ABCA5: variants seen among roughly 807,000 people sequenced by gnomAD.
ABCA5 encodes the protein cholesterol transporter ABCA5.
ABCA5 carries 163 observed loss-of-function variants against 206.0 expected under a neutral mutation model. That is an observed-to-expected ratio of 0.79 (90% CI 0.70 to 0.90). The LOEUF (loss-of-function observed/expected upper bound fraction) is 0.90, where lower values mean the gene tolerates loss of function less well. Ranked by LOEUF, ABCA5 falls within the 40% of genes least tolerant of loss-of-function variation. The pLI, the probability that ABCA5 is intolerant of heterozygous loss-of-function variation, is 0.00. For missense variants in ABCA5, 1,859 were observed against 1,912.9 expected (o/e 0.97, Z 0.53); for synonymous variants, 609 against 613.8 (o/e 0.99, Z 0.11).
intron 32 of ABCA5, 119 bp downstream of exon 32, chr17:69,254,192 AAAGT>A (rs879122013): frequency 3.4e-4 from 269 of 797,940 alleles, no homozygotes; most frequent in Non-Finnish European, 4.3e-4. Context: ...AATATATGAA[AAAGT>A]AATAAACATT....
rs530889595 is a variant in ABCA5, at chr17:69,288,232, A to G, written c.1903-481T>C. On this transcript the variant is annotated intron_variant, in intron 14 of 38. Transcript: ENST00000392676. ...GATCCAGAATCATTCCCCAGCTGCA[A>G]CAGCAAGGGGGAATGTGGCAGGATG... is the stretch of plus-strand genomic sequence containing the variant. Among the ~76,000 whole-genome samples, 4 of 152,258 alleles carry G rather than the reference A, an allele frequency of 2.6e-5. No individual in the cohort carries two copies. In the East Asian group the frequency reaches 7.7e-4, roughly 29 times the overall value.
intron 19 of ABCA5, 42 bp from the exon 20 acceptor site, chr17:69,274,170 T>C: frequency 1.3e-6 from 2 of 1,483,024 alleles, no homozygotes; most frequent in East Asian, 2.3e-5. Flanking sequence ...GGTACAAAGG[T>C]ACATTAATAT....
intron 9 of ABCA5, among the ~76,000 whole-genome samples, chr17:69,299,003 G>A (rs906314631): frequency 2.0e-5 from 3 of 152,024 alleles, no homozygotes; most frequent in Non-Finnish European, 4.4e-5. Flanking sequence ...CAAAAAGTAC[G>A]CTAAGAACAT....
Position 69,297,310 on chromosome 17 carries a change from A to G in ABCA5, c.1317T>C (p.Tyr439=). ...RSSLYFLKPS[Y]WSKSKRNYEE... ...CATAATTTCTTTTGCTCTTTGACCA[A>G]TATGAAGGCTTCAGAAAATATAAAG... Residue 439 remains tyrosine (Y), a synonymous_variant, in exon 10 of 39, where the codon TAT becomes TAC. Transcript: ENST00000392676. The G allele has an allele frequency of 6.2e-7, 1 of 1,611,158 alleles. No individual in the cohort carries two copies. The highest frequency in any genetic ancestry group is 8.5e-7 in the Non-Finnish European group (1 of 1,179,220).
intron 1 of ABCA5, chr17:69,318,818 G>A: frequency 1.4e-6 from 1 of 704,204 alleles, no homozygotes; most frequent in Admixed American, 1.8e-5. Flanking sequence ...ACATGTCCAA[G>A]GAATATTGTG....
intron 9 of ABCA5, among the ~76,000 whole-genome samples, chr17:69,300,813 C>G (rs554270273): frequency 6.6e-6 from 1 of 152,162 alleles, no homozygotes; most frequent in Middle Eastern, 3.4e-3. Context: ...GTAGGAGTTA[C>G]AAGATCACTT....
At chr17:69,271,538 A>G (rs550754039) in intron 20 of ABCA5, among the ~76,000 whole-genome samples, 1 of 152,282 alleles carries the variant, frequency 6.6e-6, no homozygotes, top group Non-Finnish European at 1.5e-5. Context: ...TGGGTAAAAT[A>G]AGTATATCTG....
At chr17:69,257,109 A>C (rs2075091968) in intron 28 of ABCA5, among the ~76,000 whole-genome samples, 1 of 152,138 alleles carries the variant, frequency 6.6e-6, no homozygotes, top group African/African-American at 2.4e-5. Context: ...TCCTGCCTGT[A>C]ATCTTAGCAC....
rs769268134 is a variant in ABCA5 at position 69,314,333 on chromosome 17, G to A, written c.83C>T (p.Thr28Ile). The stretch of plus-strand genomic sequence containing the variant: ...ACTTACCTGAACACTACTCTTTTTG[G>A]TTCTGCATTTAATTAAGTAATTCTT... Reference protein sequence around the residue: ...LLKNYLIKCRTKKSSVQEILF... With the variant: ...LLKNYLIKCRIKKSSVQEILF... Residue 28 changes from threonine (T) to isoleucine (I), a missense_variant, in exon 2 of 39, where the codon ACC becomes ATC. Thr to Ile is a moderately conservative substitution (Grantham distance 89, BLOSUM62 -1). Transcript: ENST00000392676. 6.2e-6 allele frequency: 10 copies of A among 1,611,472 alleles called. No homozygotes were observed. The highest frequency in any genetic ancestry group is 8.5e-6 in the Non-Finnish European group (10 of 1,178,618).
chr17:69,304,501 A>G, intron 7 of ABCA5, 168 bp downstream of exon 7: 1 of 524,994 alleles, frequency 1.9e-6, no homozygotes, highest in Non-Finnish European at 3.2e-6. Flanking sequence ...ATTACTAAAA[A>G]TACAGGAATA....
intron 25 of ABCA5, among the ~76,000 whole-genome samples, 171 bp from the exon 26 acceptor site, chr17:69,261,430 T>G (rs2075145705): frequency 6.6e-6 from 1 of 152,082 alleles, no homozygotes; most frequent in African/African-American, 2.4e-5. Flanking sequence ...GTATCCTTGA[T>G]ACACTAGTTG....
intron 34 of ABCA5, among the ~76,000 whole-genome samples, chr17:69,252,305 G>A (rs544003295): frequency 2.5e-4 from 38 of 151,998 alleles, no homozygotes; most frequent in African/African-American, 7.7e-4. Flanking sequence ...GAGCCACTGC[G>A]CCAGGCCATG....
intron 7 of ABCA5, among the ~76,000 whole-genome samples, chr17:69,303,844 ACATATATATATG>A (rs1295923754): frequency 4.4e-5 from 1 of 22,832 alleles, no homozygotes; most frequent in African/African-American, 1.3e-4. Context: ...ATATATACAT[ACATATATATATG>A]TATATATATA....
At position 69,302,781 on chromosome 17, in the gene ABCA5, G is replaced by T. The variant is rs756939602; in HGVS notation, c.1056C>A (p.Pro352=). 22 of 1,599,912 alleles carry T rather than the reference G, an allele frequency of 1.4e-5. No individual in the cohort carries two copies. The highest frequency in any genetic ancestry group is 1.9e-5 in the Non-Finnish European group (22 of 1,176,394). Residue 352 remains proline, a synonymous_variant, in exon 8 of 39, where the codon CCC becomes CCA. Transcript: ENST00000392676. ...GACTGAAAAGCCACACTAACGATTT[G>T]GGAAAACTTTCTATGAGGATTATCA... ...GLMIILIESF[P]KSLVWLFSPF... is the part of the protein sequence containing the mutation.
At chr17:69,249,644 T>C (rs561683112) in intron 37 of ABCA5, 12 of 414,558 alleles carry the variant, frequency 2.9e-5, no homozygotes, top group Admixed American at 8.5e-5. Context: ...ATAGAGTTTA[T>C]CTACAAAATC....
At chr17:69,263,748 G>C (rs1261912723) in intron 24 of ABCA5, among the ~76,000 whole-genome samples, 1 of 132,042 alleles carries the variant, frequency 7.6e-6, no homozygotes, top group Non-Finnish European at 1.5e-5. Context: ...CCAGGCTTGA[G>C]TGCAGTAGCA....
rs2144878793 is a variant in ABCA5 at position 69,245,980 on chromosome 17, T to A, written c.*1557A>T. On this transcript the variant is annotated 3_prime_UTR_variant, in exon 39 of 39. Coordinates refer to ENST00000392676, the MANE Select transcript of ABCA5 (RefSeq NM_172232.4). ...CTTAAGTATTCAAGGTTACACATAA[T>A]TACAAAAGCACATCCCAAAAAAGAG... 1 of 152,048 alleles carries A rather than the reference T, an allele frequency of 6.6e-6. No homozygotes were observed. Among genetic ancestry groups the A allele is most frequent in the South Asian group, 2.1e-4 (1 of 4,816 alleles). 9.4% of individuals were successfully genotyped at this position (152,048 alleles called of 1,614,324 possible).
At chr17:69,248,532 G>T in intron 37 of ABCA5, 1 of 306,992 alleles carries the variant, frequency 3.3e-6, no homozygotes. Context: ...AATGTTACTT[G>T]TCTTATTTCA....
At chr17:69,319,250 T>C (rs903094893) in intron 1 of ABCA5, among the ~76,000 whole-genome samples, 2 of 152,212 alleles carry the variant, frequency 1.3e-5, no homozygotes, top group Non-Finnish European at 2.9e-5. Flanking sequence ...CATTCTCAAG[T>C]TACTTGCCAA....
Sources: allele counts gnomAD v4.1 joint callset (sites outside exome capture counted in the v4.1 genomes callset), GRCh38; gene constraint gnomAD v4.1.1; transcripts MANE v1.5; gene names NCBI Gene and HGNC (gene_info 2026-07-23, HGNC 2026-07-21).